IQSEC1: variants seen among roughly 807,000 people sequenced by gnomAD.
IQSEC1 encodes the protein IQ motif and SEC7 domain-containing protein 1.
Under a neutral mutation model 91.0 loss-of-function variants are expected in IQSEC1, and 31 were observed. The observed-to-expected ratio is 0.34, with a 90% CI of 0.26 to 0.46. The LOEUF is 0.46. Ranked by LOEUF, IQSEC1 falls within the 20% of genes least tolerant of loss-of-function variation. IQSEC1 has a pLI of 1.00. For synonymous variants in IQSEC1, 699 were observed against 662.6 expected, an observed-to-expected ratio of 1.05 and a Z score of -0.84; for missense variants, 1,388 against 1,575.6, an observed-to-expected ratio of 0.88 and a Z score of 2.02.
rs575756288 is a variant in IQSEC1, at chr3:13,242,938, G to A, written c.272+39773C>T. ...AGGAAGGGCTTGTCTTTCCACACAT[G>A]TGGGGGGCCCTACGGGAAACTCTTT... On this transcript the variant is annotated intron_variant, in intron 1 of 15. Transcript: ENST00000648114. 7.9e-5 allele frequency among the ~76,000 whole-genome samples: 12 copies of A among 152,262 alleles called. No homozygotes were observed. In the South Asian group the frequency reaches 1.9e-3, roughly 24 times the overall value.
In IQSEC1 at chr3:12,957,218, A is replaced by G. The variant is rs147094303; in HGVS notation, c.24-15353T>C. Among the ~76,000 whole-genome samples the G allele has an allele frequency of 3.8e-3, 582 of 152,320 alleles. 3 individuals carry two copies. The highest frequency in any genetic ancestry group is 0.013 in the African/African-American group (556 of 41,558). ...CTGGTCTCAAGATACAAAGTTTACA[A>G]GACTGCTTCCCTTGCCATGACCTCA... On this transcript the variant is annotated intron_variant, in intron 1 of 13. Transcript: ENST00000613206.
intron 12 of IQSEC1, among the ~76,000 whole-genome samples, chr3:12,904,772 C>G (rs1694789962): frequency 6.6e-6 from 1 of 152,210 alleles, no homozygotes; most frequent in Admixed American, 6.5e-5. Context: ...GAGATGGCCT[C>G]CCCGTCTGTA....
chr3:13,014,911 T>C (rs1040611384), intron 1 of IQSEC1, among the ~76,000 whole-genome samples: 1 of 152,186 alleles, frequency 6.6e-6, no homozygotes, highest in African/African-American at 2.4e-5. Flanking sequence ...CATACTGGGC[T>C]ACTGCCAGAT....
chr3:13,213,884 C>A (rs1224624237), intron 1 of IQSEC1, among the ~76,000 whole-genome samples: 1 of 152,092 alleles, frequency 6.6e-6, no homozygotes, highest in Non-Finnish European at 1.5e-5. Context: ...AACCAGGGGC[C>A]AGGCACCATC....
At chr3:13,223,691 G>C (rs1694701743) in intron 1 of IQSEC1, among the ~76,000 whole-genome samples, 1 of 152,234 alleles carries the variant, frequency 6.6e-6, no homozygotes, top group South Asian at 2.1e-4. Flanking sequence ...GACATGCAGG[G>C]ACCGCGGCGT....
intron 1 of IQSEC1, among the ~76,000 whole-genome samples, chr3:13,001,918 G>A (rs2124833919): frequency 6.6e-6 from 1 of 152,224 alleles, no homozygotes; most frequent in South Asian, 2.1e-4. Flanking sequence ...AATCAGCCAG[G>A]CGTGGTGGTG....
chr3:13,221,726 C>T lies in IQSEC1; in HGVS notation c.273-57593G>A, dbSNP rs538352517. 1.2e-4 allele frequency among the ~76,000 whole-genome samples: 18 copies of T among 152,390 alleles called. No homozygotes were observed. In the South Asian group the frequency reaches 3.7e-3, roughly 32 times the overall value. ...GCAGCGTGTGGCTCCATGACTGTAT[C>T]ACAGAGGCCGGGCCTCCTCGGCAGG... On this transcript the variant is annotated intron_variant, in intron 1 of 15. Coordinates refer to the IQSEC1 transcript ENST00000648114.
chr3:13,131,392 T>C, intron 2 of IQSEC1, among the ~76,000 whole-genome samples: 1 of 144,738 alleles, frequency 6.9e-6, no homozygotes, highest in Middle Eastern at 3.6e-3. Context: ...AAAAAAAAAA[T>C]CTAACCTAAA....
At chr3:13,123,431 G>C (rs1483123254) in intron 2 of IQSEC1, among the ~76,000 whole-genome samples, 1 of 152,244 alleles carries the variant, frequency 6.6e-6, no homozygotes, top group African/African-American at 2.4e-5. Flanking sequence ...TGTGGCTACA[G>C]GGGAGGCTGG....
chr3:13,134,223 G>A (rs1176886117), intron 2 of IQSEC1, among the ~76,000 whole-genome samples: 1 of 152,226 alleles, frequency 6.6e-6, no homozygotes, highest in African/African-American at 2.4e-5. Flanking sequence ...CTGGAGCTGG[G>A]GGCCAGATAT....
chr3:13,276,563 C>A (rs562296233), intron 1 of IQSEC1, among the ~76,000 whole-genome samples: 52 of 152,216 alleles, frequency 3.4e-4, no homozygotes, highest in African/African-American at 1.3e-3. Flanking sequence ...GTCCAAGCAG[C>A]AGGGAAGTGG....
At chr3:13,204,121 G>A (rs184636145) in intron 1 of IQSEC1, among the ~76,000 whole-genome samples, 28 of 152,370 alleles carry the variant, frequency 1.8e-4, no homozygotes, top group Middle Eastern at 3.4e-3. Flanking sequence ...GGCCGCAGGG[G>A]TAACTCTCCA....
chr3:13,090,593 G>T (rs992666552), intron 2 of IQSEC1, among the ~76,000 whole-genome samples: 1 of 152,198 alleles, frequency 6.6e-6, no homozygotes, highest in Non-Finnish European at 1.5e-5. Context: ...TGACAGGCCT[G>T]GTGCAGGGGC....
At chr3:13,077,683 C>A (rs1043412841), upstream of IQSEC1, among the ~76,000 whole-genome samples, 2 of 152,216 alleles carry the variant, frequency 1.3e-5, no homozygotes. Context: ...CCACCCCTCA[C>A]GTGCAGGTGG....
chr3:12,987,150 C>T (rs994703824), intron 1 of IQSEC1: 3 of 234,004 alleles, frequency 1.3e-5, no homozygotes, highest in East Asian at 1.7e-4. Context: ...CCCGAGTCAG[C>T]GCCAGCCAGA....
At chr3:13,088,555 T>C (rs1372051056) in intron 2 of IQSEC1, among the ~76,000 whole-genome samples, 1 of 151,452 alleles carries the variant, frequency 6.6e-6, no homozygotes, top group Non-Finnish European at 1.5e-5. Flanking sequence ...CTCCCTACCC[T>C]CCTTGATTCA....
At chr3:13,255,872 G>T (rs1159381742) in intron 1 of IQSEC1, among the ~76,000 whole-genome samples, 1 of 152,224 alleles carries the variant, frequency 6.6e-6, no homozygotes, top group African/African-American at 2.4e-5. Context: ...TTAAACCAGG[G>T]GTTCCAACTC....
At chr3:13,233,529 T>C (rs1478933607) in intron 1 of IQSEC1, among the ~76,000 whole-genome samples, 1 of 152,224 alleles carries the variant, frequency 6.6e-6, no homozygotes, top group East Asian at 1.9e-4. Context: ...TTCCACCGTG[T>C]GGACAGACCA....
At chr3:13,133,343 C>G (rs539479274) in intron 2 of IQSEC1, among the ~76,000 whole-genome samples, 1 of 152,228 alleles carries the variant, frequency 6.6e-6, no homozygotes, top group South Asian at 2.1e-4. Flanking sequence ...GTGGCTGGAC[C>G]AGGTCACACT....
Sources: allele counts gnomAD v4.1 joint callset (sites outside exome capture counted in the v4.1 genomes callset), GRCh38; gene constraint gnomAD v4.1.1; transcripts MANE v1.5; gene names NCBI Gene and HGNC (gene_info 2026-07-23, HGNC 2026-07-21).